Variants in DSCAML1 observed in about 807,000 individuals in gnomAD.
DSCAML1 encodes cell adhesion molecule DSCAML1.
Under a neutral mutation model 200.5 loss-of-function variants are expected in DSCAML1, and 38 were observed. That is an observed-to-expected ratio of 0.19 (90% CI 0.15 to 0.25). The LOEUF (loss-of-function observed/expected upper bound fraction) is 0.25. DSCAML1 is among the 10% of genes least tolerant of loss of function. The pLI, the probability that DSCAML1 is intolerant of heterozygous loss-of-function variation, is 1.00. For missense variants in DSCAML1, 2,223 were observed against 2,858.8 expected (o/e 0.78, Z 5.07); for synonymous variants, 1,215 against 1,165.0 (o/e 1.04, Z -0.87).
In DSCAML1 at chr11:117,565,005, A is replaced by G. The variant is rs548676974; in HGVS notation, c.512-32483T>C. On this transcript the variant is annotated intron_variant, in intron 3 of 32. Transcript: ENST00000651296. ...GGTCTTGAACTCCTGACCTCAGGTG[A>G]TCTGCCCACCTCGGCCTCCCAAAGT... 3.9e-5 allele frequency among the ~76,000 whole-genome samples: 6 copies of G among 152,184 alleles called. No individual in the cohort carries two copies. In the South Asian group the frequency reaches 1.2e-3, roughly 32 times the overall value.
intron 3 of DSCAML1, among the ~76,000 whole-genome samples, chr11:117,595,635 G>A (rs2051350417): frequency 6.6e-6 from 1 of 152,178 alleles, no homozygotes; most frequent in Non-Finnish European, 1.5e-5. Flanking sequence ...GAAATCTGAG[G>A]CAGAGGATGA....
chr11:117,474,151 C>T (rs79297003), intron 14 of DSCAML1, among the ~76,000 whole-genome samples: 2,212 of 152,286 alleles, frequency 0.015, 28 homozygotes, highest in Middle Eastern at 0.034. Flanking sequence ...TCACCATTTA[C>T]TCCTCACATC....
intron 14 of DSCAML1, among the ~76,000 whole-genome samples, chr11:117,477,816 T>A (rs1223230895): frequency 2.0e-5 from 3 of 152,188 alleles, no homozygotes; most frequent in Admixed American, 2.0e-4. Flanking sequence ...TGTTCCTAAA[T>A]GCCAGGATGT....
At chr11:117,510,024 G>A (rs1425539967) in intron 8 of DSCAML1, among the ~76,000 whole-genome samples, 2 of 152,374 alleles carry the variant, frequency 1.3e-5, no homozygotes, top group African/African-American at 4.8e-5. Context: ...ATGGTGAAGA[G>A]GCAGAGGCCT....
chr11:117,725,648 C>T (rs897328223), intron 3 of DSCAML1, among the ~76,000 whole-genome samples: 3 of 143,038 alleles, frequency 2.1e-5, no homozygotes, highest in Admixed American at 7.4e-5. Context: ...CCTCTTGCTG[C>T]CTTACTGGCA....
At chr11:117,717,960 TCC>T (rs2053980942) in intron 3 of DSCAML1, among the ~76,000 whole-genome samples, 1 of 152,112 alleles carries the variant, frequency 6.6e-6, no homozygotes, top group South Asian at 2.1e-4. Context: ...CAGGGAGGAA[TCC>T]TTGGCATTTA....
chr11:117,662,958 C>T lies in DSCAML1; in HGVS notation c.511+113833G>A, dbSNP rs756078566. ...TAAATGTAGACTCAGAAAAACATCACGGGTTCTTCTGGTTCCCGGATATAA... is the reference window on the plus strand; with the variant it reads ...TAAATGTAGACTCAGAAAAACATCATGGGTTCTTCTGGTTCCCGGATATAA... On this transcript the variant is annotated intron_variant, in intron 3 of 32. Coordinates refer to ENST00000651296, the MANE Select transcript of DSCAML1 (RefSeq NM_020693.4). Among the ~76,000 whole-genome samples the T allele has an allele frequency of 2.0e-5, 3 of 152,312 alleles. No individual in the cohort carries two copies. In the East Asian group the frequency reaches 5.8e-4, roughly 29 times the overall value.
chr11:117,795,163 C>T (rs1378506006), intron 1 of DSCAML1, among the ~76,000 whole-genome samples: 1 of 152,158 alleles, frequency 6.6e-6, no homozygotes, highest in Non-Finnish European at 1.5e-5. Flanking sequence ...GCTGAGGGGC[C>T]TCCTGCACTC....
chr11:117,430,557 T>C (rs553472659), intron 32 of DSCAML1, among the ~76,000 whole-genome samples, 165 bp downstream of exon 32: 24 of 152,330 alleles, frequency 1.6e-4, no homozygotes, highest in African/African-American at 5.5e-4. Flanking sequence ...TGGGCCCTGA[T>C]CTGCCTGCTC....
At chr11:117,736,296 G>A (rs1016104703) in intron 3 of DSCAML1, among the ~76,000 whole-genome samples, 1 of 152,188 alleles carries the variant, frequency 6.6e-6, no homozygotes, top group Non-Finnish European at 1.5e-5. Flanking sequence ...TCTTCTGGCC[G>A]TTGGCTGGAG....
intron 19 of DSCAML1, among the ~76,000 whole-genome samples, chr11:117,456,428 C>T (rs566767046): frequency 9.9e-5 from 15 of 152,230 alleles, no homozygotes; most frequent in South Asian, 6.2e-4. Flanking sequence ...ATAAAGTATA[C>T]GGAGACAAGA....
intron 3 of DSCAML1, among the ~76,000 whole-genome samples, chr11:117,623,250 C>T (rs1422023198): frequency 8.3e-6 from 1 of 120,496 alleles, no homozygotes; most frequent in Non-Finnish European, 1.6e-5. Flanking sequence ...GAGTTTTGCT[C>T]TGTCACTCAG....
chr11:117,602,779 T>C (rs1202046294), intron 3 of DSCAML1, among the ~76,000 whole-genome samples: 1 of 152,136 alleles, frequency 6.6e-6, no homozygotes, highest in African/African-American at 2.4e-5. Context: ...CACAGTCTAG[T>C]TGGGATGATA....
At chr11:117,811,364 T>A (rs978718467) in intron 1 of DSCAML1, among the ~76,000 whole-genome samples, 1 of 152,160 alleles carries the variant, frequency 6.6e-6, no homozygotes, top group Non-Finnish European at 1.5e-5. Flanking sequence ...AATTAGAATC[T>A]GGCCCTCAAA....
chr11:117,573,583 G>C (rs1482546076), intron 3 of DSCAML1, among the ~76,000 whole-genome samples: 1 of 152,202 alleles, frequency 6.6e-6, no homozygotes, highest in Non-Finnish European at 1.5e-5. Context: ...GAGGTAGGTG[G>C]GATCCTGCAG....
rs78842874 is a variant in DSCAML1 at position 117,785,978 on chromosome 11, A to C, written c.47-5168T>G. Among the ~76,000 whole-genome samples the C allele has an allele frequency of 6.2e-3, 945 of 152,294 alleles. 6 individuals carry two copies. Among genetic ancestry groups the C allele is most frequent in the African/African-American group, 0.019 (773 of 41,570 alleles). ...TTTTCCATCATGTTGTTGAGTTCAA[A>C]GTTTGGGCTCTGAAGAAGTTTCCCC... On this transcript the variant is annotated intron_variant, in intron 1 of 32. Coordinates refer to ENST00000651296, the MANE Select transcript of DSCAML1 (RefSeq NM_020693.4).
intron 3 of DSCAML1, among the ~76,000 whole-genome samples, chr11:117,585,505 C>T (rs2051123624): frequency 1.3e-5 from 2 of 152,134 alleles, no homozygotes; most frequent in African/African-American, 2.4e-5. Context: ...CCTCGGCCTC[C>T]GAAGTGCTGG....
At position 117,451,181 on chromosome 11, in the gene DSCAML1, T is replaced by G. The variant is rs114007004; in HGVS notation, c.3569-493A>C. ...CCCTTGGAGTGCTGGCTGGGCCCTT[T>G]CTGGAAGAAAGTCTACCTTAGAAGT... On this transcript the variant is annotated intron_variant, in intron 19 of 32. Coordinates refer to ENST00000651296, the MANE Select transcript of DSCAML1 (RefSeq NM_020693.4). Among the ~76,000 whole-genome samples the G allele has an allele frequency of 6.9e-3, 1,048 of 152,334 alleles. 9 individuals are homozygous for G. The highest frequency in any genetic ancestry group is 0.024 in the African/African-American group (1,011 of 41,580).
chr11:117,741,215 A>T (rs2054417734), intron 3 of DSCAML1, among the ~76,000 whole-genome samples: 1 of 152,248 alleles, frequency 6.6e-6, no homozygotes, highest in South Asian at 2.1e-4. Context: ...AACTCCTTAC[A>T]TCTAGGTGGG....
Sources: allele counts gnomAD v4.1 joint callset (sites outside exome capture counted in the v4.1 genomes callset), GRCh38; gene constraint gnomAD v4.1.1; transcripts MANE v1.5; gene names NCBI Gene and HGNC (gene_info 2026-07-23, HGNC 2026-07-21).